RFWD3: variants seen among roughly 807,000 people sequenced by gnomAD.
RFWD3 encodes the protein E3 ubiquitin-protein ligase RFWD3.
RFWD3 carries 65 observed loss-of-function variants against 87.7 expected under a neutral mutation model. The ratio of observed to expected loss-of-function variants is 0.74; its 90% CI spans 0.61 to 0.91. The LOEUF (loss-of-function observed/expected upper bound fraction) is 0.91. RFWD3 is among the 40% of genes least tolerant of loss of function. The pLI is 0.00. For synonymous variants in RFWD3, 433 were observed against 352.8 expected (o/e 1.23, Z -2.55); for missense variants, 1,078 against 938.5 (o/e 1.15, Z -1.94).
chr16:74,648,600 G>A (rs539952974), intron 4 of RFWD3, among the ~76,000 whole-genome samples: 4 of 151,164 alleles, frequency 2.6e-5, no homozygotes, highest in East Asian at 2.0e-4. Flanking sequence ...GTGAAACCCC[G>A]TCTCTAACTT....
At chr16:74,650,065 T>C (rs1323084374) in intron 3 of RFWD3, among the ~76,000 whole-genome samples, 1 of 152,210 alleles carries the variant, frequency 6.6e-6, no homozygotes, top group Non-Finnish European at 1.5e-5. Context: ...ATTATCTCTG[T>C]AGACTTGCCT....
In RFWD3 at chr16:74,636,495, G is replaced by A. The variant is rs1959200008; in HGVS notation, c.1277C>T (p.Pro426Leu). ...GSQAWVLSCS[P>L]SSQGQHKHKY... ...GTGCTTGTGCTGGCCCTGGCTGGAGGGTGAGCAGCTCAGGACCCATGCTTG... is the reference window on the plus strand; with the variant it reads ...GTGCTTGTGCTGGCCCTGGCTGGAGAGTGAGCAGCTCAGGACCCATGCTTG... Residue 426 changes from proline (P) to leucine (L), a missense_variant, in exon 8 of 13, where the codon CCC becomes CTC. By Grantham distance (98) the Pro-to-Leu change is moderately conservative. Transcript: ENST00000361070. 2 of 1,613,900 alleles carry A rather than the reference G, an allele frequency of 1.2e-6. No individual in the cohort carries two copies. Among genetic ancestry groups the A allele is most frequent in the African/African-American group, 2.7e-5 (2 of 74,888 alleles).
At chr16:74,638,075 T>A in intron 6 of RFWD3, 105 bp from the exon 7 acceptor site, 1 of 669,290 alleles carries the variant, frequency 1.5e-6, no homozygotes, top group Non-Finnish European at 2.7e-6. Context: ...TTCTTTGCTG[T>A]AAATATGTTA....
Position 74,649,190 on chromosome 16 carries a change from C to A in RFWD3, c.734G>T (p.Gly245Val). The change falls in exon 4 of 13, where the codon GGT becomes GTT. Residue 245 changes from glycine (G) to valine (V), a missense_variant. Physicochemically the swap from Gly to Val is moderately radical, Grantham distance 109. Transcript: ENST00000361070. Reference protein sequence around the residue: ...GAVILEEQLAGVSAEQEVTCI... With the variant: ...GAVILEEQLAVVSAEQEVTCI... Reference sequence around the variant, plus strand: ...TGTAACTTCTTGCTCTGCTGAGACACCTGCTAGTTGCTCTGCCAAGTCATT... The same window carrying A: ...TGTAACTTCTTGCTCTGCTGAGACAACTGCTAGTTGCTCTGCCAAGTCATT... 6.4e-7 allele frequency: 1 copy of A among 1,561,736 alleles called. No individual in the cohort carries two copies. Among genetic ancestry groups the A allele is most frequent in the Non-Finnish European group, 8.6e-7 (1 of 1,162,436 alleles).
intron 8 of RFWD3, among the ~76,000 whole-genome samples, chr16:74,633,299 GA>G (rs1348697390): frequency 1.7e-5 from 2 of 115,190 alleles, no homozygotes; most frequent in African/African-American, 3.3e-5. Context: ...AAAAAGAAAA[GA>G]AAAAAAAGTA....
At chr16:74,648,199 A>G (rs897946260) in intron 4 of RFWD3, among the ~76,000 whole-genome samples, 1 of 152,028 alleles carries the variant, frequency 6.6e-6, no homozygotes. Context: ...GTTATCCTCA[A>G]TACTCCTCCC....
rs750952709 is a variant in RFWD3 at position 74,652,089 on chromosome 16, C to A, written c.552G>T (p.Val184=). 6.2e-7 allele frequency: 1 copy of A among 1,614,082 alleles called. No homozygotes were observed. The highest frequency in any genetic ancestry group is 1.1e-5 in the South Asian group (1 of 91,070). Residue 184 remains valine, a synonymous_variant, in exon 3 of 13, where the codon GTG becomes GTT. Coordinates refer to ENST00000361070, the MANE Select transcript of RFWD3 (RefSeq NM_018124.4). ...CTGGCAAGTCAGGCTGGGTCCTGCT[C>A]ACCTGAAAGTAAGCATCCAATGGTG... ...LRAPLDAYFQ[V]SRTQPDLPAT...
rs781740786 is a variant in RFWD3 at position 74,652,013 on chromosome 16, C to A, written c.628G>T (p.Val210Leu). Residue 210 changes from valine (V) to leucine (L), a missense_variant, in exon 3 of 13, where the codon GTG (valine) becomes TTG (leucine). Transcript: ENST00000361070. ...CTGTCAGAATCAGAACTACTAGACA[C>A]CTGCAACTCTTCAGATACAGGATTC... ...TRNPVSEELQ[V>L]SSSSDSDSDS... 3.7e-6 allele frequency: 6 copies of A among 1,614,102 alleles called. No individual in the cohort carries two copies. Among genetic ancestry groups the A allele is most frequent in the Non-Finnish European group, 5.1e-6 (6 of 1,180,004 alleles).
chr16:74,651,949 G>C lies in RFWD3; in HGVS notation c.692C>G (p.Ala231Gly). Residue 231 changes from alanine to glycine, a missense_variant, in exon 3 of 13, where the codon GCA (alanine) becomes GGA (glycine). Ala to Gly is a moderately conservative substitution (Grantham distance 60). Transcript: ENST00000361070. The part of the protein sequence containing the change: ...SAEYGGVVDQ[A>G]EESGAVILEE... ...TAAAATGACAGCTCCAGATTCCTCTGCCTGGTCAACAACCCCTCCATACTC... is the reference window on the plus strand; with the variant it reads ...TAAAATGACAGCTCCAGATTCCTCTCCCTGGTCAACAACCCCTCCATACTC... 1.2e-6 allele frequency: 2 copies of C among 1,613,922 alleles called. No homozygotes were observed. The highest frequency in any genetic ancestry group is 8.5e-7 in the Non-Finnish European group (1 of 1,179,874).
chr16:74,644,083 G>T, intron 6 of RFWD3: 2 of 490,332 alleles, frequency 4.1e-6, no homozygotes, highest in Non-Finnish European at 7.4e-6. Context: ...TGTGGCGGGG[G>T]GTGGTCAGGG....
chr16:74,646,246 C>T (rs1960131024), intron 4 of RFWD3, among the ~76,000 whole-genome samples: 2 of 151,968 alleles, frequency 1.3e-5, no homozygotes, highest in African/African-American at 4.8e-5. Context: ...TGTGGTGGCA[C>T]ATGCCTGCAG....
In RFWD3 at chr16:74,665,846, A is replaced by C. The variant is rs1009024929; in HGVS notation, c.-3+940T>G. Among the ~76,000 whole-genome samples the C allele has an allele frequency of 5.8e-4, 88 of 151,612 alleles. 2 individuals carry two copies. Among genetic ancestry groups the C allele is most frequent in the Non-Finnish European group, 2.8e-4 (19 of 67,874 alleles). On this transcript the variant is annotated intron_variant, in intron 1 of 12. Transcript: ENST00000361070. ...ACTGCAACCTCGGCCTCCCGGGTTCAAGCGATTCTCCTGCCTCAGCCTCCC... is the reference window on the plus strand; with the variant it reads ...ACTGCAACCTCGGCCTCCCGGGTTCCAGCGATTCTCCTGCCTCAGCCTCCC...
chr16:74,635,552 C>T (rs895369198), intron 8 of RFWD3, among the ~76,000 whole-genome samples: 2 of 151,878 alleles, frequency 1.3e-5, no homozygotes, highest in African/African-American at 2.4e-5. Flanking sequence ...AACACCAGCA[C>T]ACTATCAAGC....
At position 74,637,144 on chromosome 16, in the gene RFWD3, A is replaced by C. The variant is rs1023533447; in HGVS notation, c.1195-567T>G. 1.3e-4 allele frequency among the ~76,000 whole-genome samples: 19 copies of C among 150,100 alleles called. No homozygotes were observed. The South Asian group carries it at 2.5e-3, about 20-fold the overall frequency. On this transcript the variant is annotated intron_variant, in intron 7 of 12. Coordinates refer to ENST00000361070, the MANE Select transcript of RFWD3 (RefSeq NM_018124.4). ...CTTTAAAAAAAAAAAAAAAAAAAAA[A>C]ACAACTTAAAAGGAGACAGGGTCTC...
Position 74,649,152 on chromosome 16 carries a change from C to T in RFWD3, c.772G>A (p.Gly258Ser). The stretch of plus-strand genomic sequence containing the variant: ...ATTACCTGTTTGGGGAGGGTCTTGC[C>T]TCCATCGATACATGTAACTTCTTGC... ...AEQEVTCIDG[G>S]KTLPKQPSPQ... is the part of the protein sequence containing the mutation. Residue 258 changes from glycine to serine, a missense_variant, in exon 4 of 13, where the codon GGC becomes AGC. Physicochemically the swap from Gly to Ser is moderately conservative, Grantham distance 56. Coordinates refer to ENST00000361070, the MANE Select transcript of RFWD3 (RefSeq NM_018124.4). 2 of 1,571,876 alleles carry T rather than the reference C, an allele frequency of 1.3e-6. No homozygotes were observed. The highest frequency in any genetic ancestry group is 1.7e-6 in the Non-Finnish European group (2 of 1,166,076).
intron 8 of RFWD3, among the ~76,000 whole-genome samples, chr16:74,635,068 C>T (rs1193061263): frequency 6.6e-6 from 1 of 152,058 alleles, no homozygotes; most frequent in African/African-American, 2.4e-5. Flanking sequence ...ATCATGAGGT[C>T]AGGAGATTGA....
At chr16:74,632,375 G>C (rs1959126092) in intron 9 of RFWD3, 148 bp downstream of exon 9, 2 of 852,696 alleles carry the variant, frequency 2.3e-6, no homozygotes, top group Non-Finnish European at 3.7e-6. Flanking sequence ...CTGGGTGACA[G>C]AGCGAGACTC....
At position 74,644,387 on chromosome 16, in the gene RFWD3, T is replaced by A. The variant is rs764505318; in HGVS notation, c.1054A>T (p.Thr352Ser). 6.2e-7 allele frequency: 1 copy of A among 1,614,206 alleles called. No individual in the cohort carries two copies. The highest frequency in any genetic ancestry group is 1.1e-5 in the South Asian group (1 of 91,086). ...LYARTLRALD[T>S]SEQERMKSSL... ...CTTTTCATGCGCTCCTGTTCACTAG[T>A]GTCCAAAGCTCTCAGGGTTCGGGCA... is the stretch of plus-strand genomic sequence containing the variant. The change falls in exon 6 of 13, where the codon ACT becomes TCT. Residue 352 changes from threonine (T) to serine (S), a missense_variant. Physicochemically the swap from Thr to Ser is moderately conservative, Grantham distance 58 (BLOSUM62 1). Transcript: ENST00000361070.
chr16:74,660,979 A>G lies in RFWD3; in HGVS notation c.471T>C (p.Ala157=). Residue 157 remains alanine (A), a synonymous_variant, in exon 2 of 13, where the codon GCT becomes GCC. Transcript: ENST00000361070. ...ACCCTCCGGCTCTTGCCCTCCGTGA[A>G]GCAGATACCCTCCTTCTTGTTCTCA... is the stretch of plus-strand genomic sequence containing the variant. The part of the protein sequence containing the change: ...GPMRTRRRVS[A]SRRARAGGSQ... The G allele has an allele frequency of 3.7e-6, 6 of 1,614,124 alleles. No individual in the cohort carries two copies. Among genetic ancestry groups the G allele is most frequent in the Non-Finnish European group, 5.1e-6 (6 of 1,180,012 alleles).
Sources: allele counts gnomAD v4.1 joint callset (sites outside exome capture counted in the v4.1 genomes callset), GRCh38; gene constraint gnomAD v4.1.1; transcripts MANE v1.5; gene names NCBI Gene and HGNC (gene_info 2026-07-23, HGNC 2026-07-21).